Variants in CNTN1 observed in about 807,000 individuals in gnomAD.
CNTN1 encodes contactin-1.
A neutral mutation model predicts 126.4 loss-of-function variants in CNTN1; 38 were observed. That is an observed-to-expected ratio of 0.30 (90% confidence interval 0.23 to 0.39). CNTN1 has a LOEUF of 0.39. Ranked by LOEUF, CNTN1 falls within the 10% of genes least tolerant of loss-of-function variation. CNTN1 has a pLI of 1.00. For missense variants in CNTN1, 1,009 were observed against 1,248.4 expected, an observed-to-expected ratio of 0.81 and a Z score of 2.89; for synonymous variants, 413 against 422.6, an observed-to-expected ratio of 0.98 and a Z score of 0.28.
chr12:40,861,155 C>T (rs1943104234), intron 1 of CNTN1, among the ~76,000 whole-genome samples: 1 of 152,108 alleles, frequency 6.6e-6, no homozygotes, highest in South Asian at 2.1e-4. Context: ...TATTTGCTAA[C>T]TTAAAGAACA....
chr12:40,957,755 G>A (rs1277278503), intron 14 of CNTN1, among the ~76,000 whole-genome samples: 1 of 151,916 alleles, frequency 6.6e-6, no homozygotes, highest in Non-Finnish European at 1.5e-5. Flanking sequence ...ATTAAATTAA[G>A]ACTGGCTAAT....
chr12:40,993,022 A>G, intron 16 of CNTN1, 98 bp from the exon 17 acceptor site: 2 of 1,103,436 alleles, frequency 1.8e-6, no homozygotes, highest in South Asian at 1.3e-5. Flanking sequence ...TCAGTGTAAT[A>G]TATACCATTC....
chr12:41,043,781 A>T (rs1402659202), intron 23 of CNTN1, among the ~76,000 whole-genome samples: 1 of 151,708 alleles, frequency 6.6e-6, no homozygotes, highest in Non-Finnish European at 1.5e-5. Context: ...TGGATTAAGA[A>T]AATGTGGCAC....
chr12:40,893,455 T>C (rs1944308249), intron 1 of CNTN1, among the ~76,000 whole-genome samples: 1 of 152,128 alleles, frequency 6.6e-6, no homozygotes, highest in Non-Finnish European at 1.5e-5. Flanking sequence ...GCAGCTATTG[T>C]AGTGATATTC....
chr12:40,781,247 AG>A, intron 1 of CNTN1, among the ~76,000 whole-genome samples: 1 of 152,154 alleles, frequency 6.6e-6, no homozygotes, highest in Non-Finnish European at 1.5e-5. Flanking sequence ...GTGGGACAAA[AG>A]GCCTCAGATG....
At chr12:40,989,797 A>G (rs1331734467) in intron 16 of CNTN1, among the ~76,000 whole-genome samples, 2 of 152,098 alleles carry the variant, frequency 1.3e-5, no homozygotes, top group Admixed American at 6.6e-5. Flanking sequence ...CATGGCCACA[A>G]ATGATAGCTA....
chr12:40,923,628 A>C (rs1945529145), intron 5 of CNTN1, among the ~76,000 whole-genome samples: 1 of 152,190 alleles, frequency 6.6e-6, no homozygotes, highest in Non-Finnish European at 1.5e-5. Flanking sequence ...GGATGGGAGC[A>C]AGAAAAACCA....
intron 1 of CNTN1, among the ~76,000 whole-genome samples, chr12:40,906,841 C>T (rs1257221548): frequency 6.6e-6 from 1 of 151,462 alleles, no homozygotes; most frequent in Non-Finnish European, 1.5e-5. Flanking sequence ...CTAAGCCAGG[C>T]TAGTTTTATA....
chr12:40,931,708 C>A (rs1332559281), intron 7 of CNTN1, among the ~76,000 whole-genome samples: 19 of 151,782 alleles, frequency 1.3e-4, no homozygotes, highest in Non-Finnish European at 5.9e-5. Flanking sequence ...GACAGCTAAC[C>A]CTGTGGTTCT....
intron 1 of CNTN1, among the ~76,000 whole-genome samples, chr12:40,854,510 C>T (rs887519028): frequency 1.1e-4 from 16 of 152,024 alleles, no homozygotes; most frequent in African/African-American, 1.4e-4. Flanking sequence ...AGTCAAGACT[C>T]TGTGTCTCTA....
intron 23 of CNTN1, among the ~76,000 whole-genome samples, chr12:41,063,299 G>GATAC (rs1172629073): frequency 2.0e-5 from 3 of 152,218 alleles, no homozygotes; most frequent in Admixed American, 6.5e-5. Context: ...GGTTTTAAAT[G>GATAC]ATACAGGTGA....
At chr12:40,781,657 T>G (rs1477263851) in intron 1 of CNTN1, among the ~76,000 whole-genome samples, 2 of 152,024 alleles carry the variant, frequency 1.3e-5, no homozygotes, top group Non-Finnish European at 2.9e-5. Context: ...ATATCTGGGT[T>G]GAAATGAGTC....
chr12:40,933,593 A>G (rs771622826), intron 8 of CNTN1, 33 bp downstream of exon 8: 2 of 1,522,328 alleles, frequency 1.3e-6, no homozygotes, highest in Admixed American at 1.7e-5. Flanking sequence ...TAATATATAT[A>G]GAAATAGTAC....
At chr12:40,884,701 T>G (rs1159914099) in intron 1 of CNTN1, among the ~76,000 whole-genome samples, 1 of 151,624 alleles carries the variant, frequency 6.6e-6, no homozygotes, top group Non-Finnish European at 1.5e-5. Flanking sequence ...GTCATACATG[T>G]ATGTTCATTC....
At chr12:40,693,822 CG>C (rs1041878882) in intron 1 of CNTN1, among the ~76,000 whole-genome samples, 1 of 152,016 alleles carries the variant, frequency 6.6e-6, no homozygotes, top group African/African-American at 2.4e-5. Flanking sequence ...GGGGAAAAGC[CG>C]GAGAAGAAGC....
intron 7 of CNTN1, among the ~76,000 whole-genome samples, chr12:40,931,214 C>A (rs1945872926): frequency 6.6e-6 from 1 of 151,838 alleles, no homozygotes; most frequent in Non-Finnish European, 1.5e-5. Context: ...ATTATGAATT[C>A]CTATTTGCTA....
chr12:40,846,336 C>T (rs1348160604), intron 1 of CNTN1, among the ~76,000 whole-genome samples: 1 of 152,116 alleles, frequency 6.6e-6, no homozygotes. Context: ...GGCATGGTGG[C>T]GGGCGCCTGC....
At chr12:40,954,783 G>C (rs1309642654) in intron 14 of CNTN1, among the ~76,000 whole-genome samples, 1 of 152,100 alleles carries the variant, frequency 6.6e-6, no homozygotes, top group African/African-American at 2.4e-5. Flanking sequence ...GCAGAGTCAA[G>C]AAGTACAAAA....
intron 1 of CNTN1, among the ~76,000 whole-genome samples, chr12:40,838,291 C>T (rs1942142199): frequency 1.3e-5 from 2 of 152,146 alleles, no homozygotes; most frequent in East Asian, 1.9e-4. Flanking sequence ...GAAATGGGCC[C>T]GCCTAGCCCA....
Sources: allele counts gnomAD v4.1 joint callset (sites outside exome capture counted in the v4.1 genomes callset), GRCh38; gene constraint gnomAD v4.1.1; transcripts MANE v1.5; gene names NCBI Gene and HGNC (gene_info 2026-07-23, HGNC 2026-07-21).